The following MAPKAPK5 variants were observed in gnomAD, a reference collection of about 807,000 sequenced individuals.
MAPKAPK5 encodes MAP kinase-activated protein kinase 5.
Under a neutral mutation model 65.1 loss-of-function variants are expected in MAPKAPK5, and 30 were observed. The ratio of observed to expected loss-of-function variants is 0.46; its 90% CI spans 0.34 to 0.63. The LOEUF is 0.63. MAPKAPK5 is among the 20% of genes least tolerant of loss of function. MAPKAPK5 has a pLI of 0.01. For synonymous variants in MAPKAPK5, 179 were observed against 204.6 expected, an observed-to-expected ratio of 0.87 and a Z score of 1.07; for missense variants, 433 against 581.4, an observed-to-expected ratio of 0.74 and a Z score of 2.63.
chr12:111,844,902 G>A (rs2068858176), intron 1 of MAPKAPK5, among the ~76,000 whole-genome samples: 1 of 152,220 alleles, frequency 6.6e-6, no homozygotes, highest in Non-Finnish European at 1.5e-5. Context: ...TGGCTGGAAT[G>A]CAGTGGGTCA....
chr12:111,861,101 G>A (rs934825452), intron 1 of MAPKAPK5, among the ~76,000 whole-genome samples: 8 of 151,474 alleles, frequency 5.3e-5, no homozygotes, highest in Admixed American at 3.9e-4. Context: ...AGGTTGGCGT[G>A]AGCCGAGATC....
intron 13 of MAPKAPK5, among the ~76,000 whole-genome samples, chr12:111,892,766 T>C (rs1164053964): frequency 2.0e-5 from 3 of 152,208 alleles, no homozygotes; most frequent in African/African-American, 4.8e-5. Flanking sequence ...CTTTGGATTT[T>C]TACTGCCAGG....
intron 1 of MAPKAPK5, among the ~76,000 whole-genome samples, chr12:111,861,837 G>A (rs1566239480): frequency 6.6e-6 from 1 of 152,194 alleles, no homozygotes; most frequent in African/African-American, 2.4e-5. Context: ...CAGTATGAAA[G>A]CGAGTAGATA....
intron 10 of MAPKAPK5, 113 bp downstream of exon 10, chr12:111,886,149 C>T: frequency 7.0e-7 from 1 of 1,431,230 alleles, no homozygotes; most frequent in Non-Finnish European, 9.5e-7. Flanking sequence ...CGATCCTTCC[C>T]AGAGAAACAT....
At chr12:111,875,442 C>G (rs900649027) in intron 7 of MAPKAPK5, among the ~76,000 whole-genome samples, 1 of 152,074 alleles carries the variant, frequency 6.6e-6, no homozygotes, top group African/African-American at 2.4e-5. Flanking sequence ...TCAGTCTTGG[C>G]CTTGCTAGTG....
chr12:111,893,713 CT>C lies in MAPKAPK5; in HGVS notation c.*671del, dbSNP rs1055678464. 0.088 allele frequency: 11,328 copies of C among 129,304 alleles called. 356 individuals are homozygous for C. The highest frequency in any genetic ancestry group is 0.21 in the East Asian group (957 of 4,552). 8.0% of individuals were successfully genotyped at this position (129,304 alleles called of 1,614,324 possible). On this transcript the variant is annotated 3_prime_UTR_variant, in exon 14 of 14. Coordinates refer to ENST00000550735, the MANE Select transcript of MAPKAPK5 (RefSeq NM_003668.4). ...AACAGGGTTTTCTTTTGGGTTTATTCTTTTTTTTTTTTTTTTTTTGAGACAG... is the reference window on the plus strand; with the variant it reads ...AACAGGGTTTTCTTTTGGGTTTATTCTTTTTTTTTTTTTTTTTTGAGACAG...
At chr12:111,872,728 A>G (rs1421610309) in intron 7 of MAPKAPK5, among the ~76,000 whole-genome samples, 1 of 152,138 alleles carries the variant, frequency 6.6e-6, no homozygotes, top group Admixed American at 6.6e-5. Flanking sequence ...TTTGGCTTGT[A>G]GCCTCTTCCT....
At chr12:111,882,162 C>T (rs960413969) in intron 8 of MAPKAPK5, among the ~76,000 whole-genome samples, 5 of 152,116 alleles carry the variant, frequency 3.3e-5, no homozygotes, top group Non-Finnish European at 5.9e-5. Context: ...GGGCGGATCA[C>T]GAGGTCAGGA....
At chr12:111,858,783 C>T (rs949244179) in intron 1 of MAPKAPK5, among the ~76,000 whole-genome samples, 9 of 146,828 alleles carry the variant, frequency 6.1e-5, no homozygotes, top group Non-Finnish European at 1.0e-4. Context: ...CCTCATGATC[C>T]GCCCGCCTTG....
chr12:111,894,232 AG>A lies in MAPKAPK5; in HGVS notation c.*1174del, dbSNP rs749807133. The A allele has an allele frequency of 6.6e-6, 1 of 152,178 alleles. No individual in the cohort carries two copies. The highest frequency in any genetic ancestry group is 1.5e-5 in the Non-Finnish European group (1 of 68,148). 9.4% of individuals were successfully genotyped at this position (152,178 alleles called of 1,614,324 possible). The stretch of plus-strand genomic sequence containing the variant: ...TAATTTTTGTATTTTTAGTAGAGAC[AG>A]GGTTTCACCATGTTGGCCAGGCTGG... On this transcript the variant is annotated 3_prime_UTR_variant, in exon 14 of 14. Transcript: ENST00000550735.
rs1274226182 is a variant in MAPKAPK5, at chr12:111,881,402, C to CTTTTTTTTTTTTTTTTTTTTTTTTTTT, written c.660+875_660+876insTTTTTTTTTTTTTTTTTTTTTTTTTTT. Reference sequence around the variant, plus strand: ...AGCCCACATATTGATCCTGTCTGTTCCTTTTTTTTTTTTTTTTTTTGAGAC... The same window carrying CTTTTTTTTTTTTTTTTTTTTTTTTTTT: ...AGCCCACATATTGATCCTGTCTGTTCTTTTTTTTTTTTTTTTTTTTTTTTTTTCTTTTTTTTTTTTTTTTTTTGAGAC... On this transcript the variant is annotated intron_variant, in intron 8 of 13. Transcript: ENST00000550735. Among the ~76,000 whole-genome samples, 14 of 116,738 alleles carry CTTTTTTTTTTTTTTTTTTTTTTTTTTT rather than the reference C, an allele frequency of 1.2e-4. 1 individual carries two copies. Among genetic ancestry groups the CTTTTTTTTTTTTTTTTTTTTTTTTTTT allele is most frequent in the African/African-American group, 2.3e-4 (7 of 30,132 alleles). The allele number at this position is 116,738 out of a possible 152,430, so 76.6% of individuals were successfully genotyped here.
chr12:111,857,407 A>C (rs980450793), intron 1 of MAPKAPK5, among the ~76,000 whole-genome samples: 2 of 151,702 alleles, frequency 1.3e-5, no homozygotes, highest in African/African-American at 4.8e-5. Context: ...ATGCCTGGCT[A>C]TTTTGGGGTT....
intron 1 of MAPKAPK5, among the ~76,000 whole-genome samples, chr12:111,859,810 C>T (rs1234316528): frequency 5.3e-5 from 8 of 152,036 alleles, no homozygotes; most frequent in African/African-American, 1.7e-4. Flanking sequence ...CCACCATGCC[C>T]GGCTAATTTT....
At chr12:111,849,171 C>G (rs946993926) in intron 1 of MAPKAPK5, among the ~76,000 whole-genome samples, 1 of 151,390 alleles carries the variant, frequency 6.6e-6, no homozygotes, top group Non-Finnish European at 1.5e-5. Context: ...GTCTTGAACT[C>G]CTGGGCTCAA....
Position 111,901,180 on chromosome 12 carries a change from G to A in MAPKAPK5, c.*8119G>A, listed in dbSNP as rs1221358789. 8.9e-6 allele frequency: 4 copies of A among 450,976 alleles called. No individual in the cohort carries two copies. Among genetic ancestry groups the A allele is most frequent in the South Asian group, 4.7e-5 (3 of 64,174 alleles). 27.9% of individuals were successfully genotyped at this position (450,976 alleles called of 1,614,324 possible). On this transcript the variant is annotated 3_prime_UTR_variant, in exon 14 of 14. Coordinates refer to ENST00000550735, the MANE Select transcript of MAPKAPK5 (RefSeq NM_003668.4). Reference sequence around the variant, plus strand: ...CCTGATGAAGGAGATGTGCACAATGGCACTTACTGTGCACCAAACAAAGTC... The same window carrying A: ...CCTGATGAAGGAGATGTGCACAATGACACTTACTGTGCACCAAACAAAGTC...
chr12:111,854,358 C>G (rs1205771760), intron 1 of MAPKAPK5, among the ~76,000 whole-genome samples: 1 of 151,860 alleles, frequency 6.6e-6, no homozygotes, highest in Non-Finnish European at 1.5e-5. Context: ...TATTTTGTCT[C>G]AGCCTCCCAA....
chr12:111,881,571 A>G (rs2070231693), intron 8 of MAPKAPK5, among the ~76,000 whole-genome samples: 1 of 151,562 alleles, frequency 6.6e-6, no homozygotes, highest in South Asian at 2.1e-4. Context: ...CGCCTGGCTA[A>G]TGTTTTGTAT....
chr12:111,901,663 A>G lies in MAPKAPK5; in HGVS notation c.*8602A>G, dbSNP rs1391175109. On this transcript the variant is annotated 3_prime_UTR_variant, in exon 14 of 14. Coordinates refer to ENST00000550735, the MANE Select transcript of MAPKAPK5 (RefSeq NM_003668.4). ...AAGAAGAGAAGGAGGAAGAAAAAGA[A>G]GAGGAGGAGGAGGAAGAAGAGGAGG... The G allele has an allele frequency of 7.3e-6, 2 of 273,916 alleles. No individual in the cohort carries two copies. The highest frequency in any genetic ancestry group is 1.4e-5 in the Non-Finnish European group (2 of 140,200). 17.0% of individuals were successfully genotyped at this position (273,916 alleles called of 1,614,324 possible).
chr12:111,853,232 C>A (rs1008546401), intron 1 of MAPKAPK5, among the ~76,000 whole-genome samples: 2 of 151,766 alleles, frequency 1.3e-5, no homozygotes, highest in Non-Finnish European at 2.9e-5. Context: ...ACTAGCCAGG[C>A]GTGGTGGCAA....
Sources: allele counts gnomAD v4.1 joint callset (sites outside exome capture counted in the v4.1 genomes callset), GRCh38; gene constraint gnomAD v4.1.1; transcripts MANE v1.5; gene names NCBI Gene and HGNC (gene_info 2026-07-23, HGNC 2026-07-21).